The following TENM4 variants were observed in gnomAD, a reference collection of about 807,000 sequenced individuals.
TENM4 encodes teneurin transmembrane protein 4.
In TENM4, 82 loss-of-function variants were observed where a neutral mutation model predicts 243.3. The ratio of observed to expected loss-of-function variants is 0.34; its 90% CI spans 0.28 to 0.40. TENM4 has a LOEUF of 0.40. TENM4 is among the 10% of genes least tolerant of loss of function. The probability of loss-of-function intolerance (pLI) is 1.00; values close to 1 mark genes in which losing one functional copy is unlikely to be tolerated. For missense variants in TENM4, 3,138 were observed against 3,673.3 expected, an observed-to-expected ratio of 0.85 and a Z score of 3.77; for synonymous variants, 1,412 against 1,456.3, an observed-to-expected ratio of 0.97 and a Z score of 0.69.
In TENM4 at chr11:79,065,007, C is replaced by T; in HGVS notation, c.224G>A (p.Gly75Asp). The change falls in exon 6 of 34, where the codon GGT becomes GAT. Residue 75 changes from glycine to aspartate, a missense_variant and splice_region_variant. Coordinates refer to ENST00000278550, the MANE Select transcript of TENM4 (RefSeq NM_001098816.3). ...PQEAEEFCRT[G>D]ANFTLRELGL... Reference sequence around the variant, plus strand: ...CAGCTCCCGCAGGGTGAAGTTGGCACCTGGGAGGAAACACAGGTGAACTTG... The same window carrying T: ...CAGCTCCCGCAGGGTGAAGTTGGCATCTGGGAGGAAACACAGGTGAACTTG... The T allele has an allele frequency of 6.9e-7, 1 of 1,456,588 alleles. No individual in the cohort carries two copies. Among genetic ancestry groups the T allele is most frequent in the Non-Finnish European group, 9.1e-7 (1 of 1,100,262 alleles). 90.2% of individuals were successfully genotyped at this position (1,456,588 alleles called of 1,614,324 possible). A position where few individuals can be genotyped will look rare whatever the true frequency, so the allele number is the denominator to read the frequency against.
chr11:78,859,754 C>A (rs928424346), intron 10 of TENM4, among the ~76,000 whole-genome samples: 4 of 152,184 alleles, frequency 2.6e-5, no homozygotes, highest in African/African-American at 9.7e-5. Context: ...ATAAGCTGTT[C>A]TGTTTTGGAG....
intron 19 of TENM4, chr11:78,756,353 C>A (rs185069827): frequency 3.7e-5 from 7 of 188,398 alleles, no homozygotes; most frequent in African/African-American, 1.7e-4. Flanking sequence ...GATGACACAA[C>A]TGAAAACAGG....
At chr11:79,396,914 G>A (rs1858357020) in intron 1 of TENM4, among the ~76,000 whole-genome samples, 1 of 152,230 alleles carries the variant, frequency 6.6e-6, no homozygotes, top group Non-Finnish European at 1.5e-5. Flanking sequence ...CCAAGGCAAA[G>A]GTTGAGGGAG....
rs912858551 is a variant in TENM4 at position 79,237,721 on chromosome 11, G to T, written c.-264-21812C>A. Among the ~76,000 whole-genome samples the T allele has an allele frequency of 3.7e-4, 56 of 152,178 alleles. 1 individual carries two copies. Among genetic ancestry groups the T allele is most frequent in the Non-Finnish European group, 1.0e-4 (7 of 68,040 alleles). On this transcript the variant is annotated intron_variant, in intron 2 of 33. Coordinates refer to ENST00000278550, the MANE Select transcript of TENM4 (RefSeq NM_001098816.3). ...GTAAGCACAAACAAATCAGTTGTGA[G>T]TGTGGGTTGAGAGGATTTCGTATCA...
chr11:79,358,566 C>T (rs1286847529), intron 1 of TENM4, among the ~76,000 whole-genome samples: 1 of 152,146 alleles, frequency 6.6e-6, no homozygotes, highest in Non-Finnish European at 1.5e-5. Flanking sequence ...ATTCAAAAAA[C>T]TAATGTGGGT....
Position 79,393,970 on chromosome 11 carries a change from G to A in TENM4, c.-321+46539C>T, listed in dbSNP as rs562801012. Among the ~76,000 whole-genome samples, 9 of 152,268 alleles carry A rather than the reference G, an allele frequency of 5.9e-5. No homozygotes were observed. The East Asian group carries it at 9.7e-4, about 16-fold the overall frequency. On this transcript the variant is annotated intron_variant, in intron 1 of 33. Transcript: ENST00000278550. Reference sequence around the variant, plus strand: ...CACTGAAGGAGGGAGGGGAGCAGACGAGAGGGGAGAAGAAGCCTTGGCAGG... The same window carrying A: ...CACTGAAGGAGGGAGGGGAGCAGACAAGAGGGGAGAAGAAGCCTTGGCAGG...
chr11:79,391,372 C>A (rs1188241263), intron 1 of TENM4, among the ~76,000 whole-genome samples: 2 of 151,860 alleles, frequency 1.3e-5, no homozygotes, highest in African/African-American at 2.4e-5. Flanking sequence ...TTCCTCAGGG[C>A]CTGATCTGTG....
intron 7 of TENM4, among the ~76,000 whole-genome samples, chr11:78,899,552 C>CA (rs201950285): frequency 1.3e-4 from 10 of 79,888 alleles, no homozygotes; most frequent in African/African-American, 6.7e-4. Flanking sequence ...CACTCTGTCT[C>CA]AAAAAGCGGG....
intron 6 of TENM4, among the ~76,000 whole-genome samples, chr11:78,969,205 C>T (rs2136566345): frequency 6.6e-6 from 1 of 152,250 alleles, no homozygotes; most frequent in African/African-American, 2.4e-5. Flanking sequence ...GAAGCAATGA[C>T]AGATTTGCAA....
chr11:79,097,910 A>C (rs1861124119), intron 4 of TENM4: 1 of 152,144 alleles, frequency 6.6e-6, no homozygotes, highest in South Asian at 2.1e-4. Context: ...TAAAATTCAG[A>C]GTCAGCACAC....
chr11:78,944,202 G>A (rs192613884), intron 6 of TENM4, among the ~76,000 whole-genome samples: 68 of 152,262 alleles, frequency 4.5e-4, no homozygotes, highest in Non-Finnish European at 8.1e-4. Context: ...GACATGTGGT[G>A]ACTCCAGTGA....
intron 6 of TENM4, among the ~76,000 whole-genome samples, chr11:79,017,416 G>C (rs1385931918): frequency 6.6e-6 from 1 of 152,134 alleles, no homozygotes; most frequent in Non-Finnish European, 1.5e-5. Flanking sequence ...CAGGAAGCAA[G>C]TTCTGATGCA....
intron 1 of TENM4, among the ~76,000 whole-genome samples, chr11:79,334,751 A>G (rs752905177): frequency 1.3e-5 from 2 of 152,202 alleles, no homozygotes; most frequent in Non-Finnish European, 2.9e-5. Flanking sequence ...AACAATCACA[A>G]TGAACGTTAG....
intron 9 of TENM4, among the ~76,000 whole-genome samples, chr11:78,877,168 T>C (rs1405216569): frequency 6.6e-6 from 1 of 152,236 alleles, no homozygotes; most frequent in East Asian, 1.9e-4. Context: ...TGTTTAGTTC[T>C]GGTTTTGTTG....
intron 6 of TENM4, among the ~76,000 whole-genome samples, chr11:78,994,361 C>T (rs1484731741): frequency 6.6e-6 from 1 of 152,140 alleles, no homozygotes; most frequent in Non-Finnish European, 1.5e-5. Flanking sequence ...GACCTCAATG[C>T]AGATTTCTGT....
chr11:79,044,381 T>A (rs1565180129), intron 6 of TENM4, among the ~76,000 whole-genome samples: 1 of 152,140 alleles, frequency 6.6e-6, no homozygotes, highest in African/African-American at 2.4e-5. Context: ...GTCAGAGGGA[T>A]CCCTGTGCAG....
rs539916961 is a variant in TENM4, at chr11:78,761,009, T to TA, written c.2540-3989dup. Among the ~76,000 whole-genome samples, 4 of 152,366 alleles carry TA rather than the reference T, an allele frequency of 2.6e-5. 1 individual carries two copies. In the South Asian group the frequency reaches 8.3e-4, roughly 32 times the overall value. Reference sequence around the variant, plus strand: ...TGATATTGTCTTGTTCTATGGTTTTTATATATCGTTTTCTCTCTTTAGTCA... The same window carrying TA: ...TGATATTGTCTTGTTCTATGGTTTTTAATATATCGTTTTCTCTCTTTAGTCA... On this transcript the variant is annotated intron_variant, in intron 18 of 33. Transcript: ENST00000278550.
intron 6 of TENM4, among the ~76,000 whole-genome samples, chr11:78,906,110 G>A (rs900004429): frequency 1.3e-5 from 2 of 152,250 alleles, no homozygotes; most frequent in Non-Finnish European, 2.9e-5. Context: ...TCTGGTCCTA[G>A]GAGTCAACCT....
At chr11:79,132,725 A>G (rs1565216835) in intron 4 of TENM4, among the ~76,000 whole-genome samples, 1 of 152,190 alleles carries the variant, frequency 6.6e-6, no homozygotes, top group Non-Finnish European at 1.5e-5. Context: ...ATGGAAATTA[A>G]ATAACCTGCC....
Sources: allele counts gnomAD v4.1 joint callset (sites outside exome capture counted in the v4.1 genomes callset), GRCh38; gene constraint gnomAD v4.1.1; transcripts MANE v1.5; gene names NCBI Gene and HGNC (gene_info 2026-07-23, HGNC 2026-07-21).